KANK4: variants seen among roughly 807,000 people sequenced by gnomAD.
The protein encoded by KANK4 is KN motif and ankyrin repeat domains 4.
In KANK4, 50 loss-of-function variants were observed where a neutral mutation model predicts 80.8. That is an observed-to-expected ratio of 0.62 (90% CI 0.49 to 0.78). The LOEUF is 0.78. Among genes scored for constraint, KANK4 ranks in the 30% least tolerant of loss-of-function variants. The pLI, the probability that KANK4 is intolerant of heterozygous loss-of-function variation, is 0.00. For synonymous variants in KANK4, 465 were observed against 506.9 expected, an observed-to-expected ratio of 0.92 and a Z score of 1.11; for missense variants, 1,196 against 1,240.1, an observed-to-expected ratio of 0.96 and a Z score of 0.53.
At position 62,274,426 on chromosome 1, in the gene KANK4, C is replaced by G; in HGVS notation, c.678G>C (p.Glu226Asp). 1 of 1,614,230 alleles carries G rather than the reference C, an allele frequency of 6.2e-7. No individual in the cohort carries two copies. The highest frequency in any genetic ancestry group is 8.5e-7 in the Non-Finnish European group (1 of 1,180,032). ...SSPRASTRIP[E>D]LVQEGAEPPE... ...GAGGCTCAGCTCCCTCCTGGACCAG[C>G]TCTGGAATCCGAGTTGATGCTCGTG... The change falls in exon 3 of 10, where the codon GAG (glutamate) becomes GAC (aspartate). Residue 226 changes from glutamate to aspartate, a missense_variant. Glu to Asp is a conservative substitution (Grantham distance 45). Around this residue, in one of 3 missense-constraint regions of KANK4, gnomAD observed 1,154 missense variants for 1,179.6 expected, o/e 0.98. Transcript: ENST00000371153.
At chr1:62,305,477 T>C (rs377604362) in intron 1 of KANK4, among the ~76,000 whole-genome samples, 8 of 151,936 alleles carry the variant, frequency 5.3e-5, no homozygotes, top group African/African-American at 1.9e-4. Flanking sequence ...CCTGGCTAAT[T>C]TTTTTGTATT....
At chr1:62,303,118 C>G (rs932374039) in intron 1 of KANK4, among the ~76,000 whole-genome samples, 1 of 151,960 alleles carries the variant, frequency 6.6e-6, no homozygotes, top group African/African-American at 2.4e-5. Context: ...TGGGAACTTA[C>G]GAAGTGTAGA....
chr1:62,280,216 G>T (rs1283791422), intron 2 of KANK4, among the ~76,000 whole-genome samples: 1 of 152,210 alleles, frequency 6.6e-6, no homozygotes, highest in Non-Finnish European at 1.5e-5. Context: ...CAAAGGCCAA[G>T]ACAGGGAGGG....
chr1:62,279,184 C>A (rs1672391740), intron 2 of KANK4, among the ~76,000 whole-genome samples: 1 of 140,288 alleles, frequency 7.1e-6, no homozygotes, highest in African/African-American at 2.8e-5. Context: ...AGGTGCTTTC[C>A]TAAGCTAGCG....
intron 1 of KANK4, among the ~76,000 whole-genome samples, chr1:62,285,363 T>C (rs1477374880): frequency 6.6e-6 from 1 of 152,316 alleles, no homozygotes; most frequent in South Asian, 2.1e-4. Context: ...CCCAGGAACA[T>C]GGGTTTCCCC....
intron 1 of KANK4, among the ~76,000 whole-genome samples, chr1:62,291,701 G>A (rs550750629): frequency 3.9e-5 from 6 of 152,150 alleles, no homozygotes; most frequent in South Asian, 2.1e-4. Flanking sequence ...TCCACCTCCC[G>A]GGATCAAGTG....
chr1:62,271,685 G>T, intron 3 of KANK4, 96 bp from the exon 4 acceptor site: 1 of 907,516 alleles, frequency 1.1e-6, no homozygotes, highest in South Asian at 1.3e-5. Flanking sequence ...AGGGTTGCAG[G>T]TGTGTGGAGA....
intron 1 of KANK4, among the ~76,000 whole-genome samples, chr1:62,303,182 T>C (rs1442870391): frequency 6.6e-6 from 1 of 151,922 alleles, no homozygotes; most frequent in East Asian, 1.9e-4. Flanking sequence ...CTGACACACA[T>C]GGAGGATGCC....
In KANK4 at chr1:62,263,096, C is replaced by T; in HGVS notation, c.2535G>A (p.Glu845=). The change falls in exon 7 of 10, where the codon GAG becomes GAA. Residue 845 remains glutamate, a synonymous_variant. Transcript: ENST00000371153. The stretch of plus-strand genomic sequence containing the variant: ...ATGAATGCAACCACTTCTGACCTGT[C>T]TCCAGCAGCAGCTTCACGATGGAGA... ...SNFSIVKLLL[E]TGVCNVDHQN... is the part of the protein sequence containing the mutation. The T allele has an allele frequency of 1.2e-6, 2 of 1,611,400 alleles. No homozygotes were observed. The highest frequency in any genetic ancestry group is 2.2e-5 in the East Asian group (1 of 44,868).
intron 6 of KANK4, 116 bp downstream of exon 6, chr1:62,266,616 T>C: frequency 2.8e-6 from 2 of 713,572 alleles, no homozygotes; most frequent in South Asian, 1.7e-5. Flanking sequence ...CTCACACCAC[T>C]GCACACTCAC....
rs200484535 is a variant in KANK4 at position 62,274,024 on chromosome 1, G to A, written c.1080C>T (p.Thr360=). Residue 360 remains threonine (T), a synonymous_variant, in exon 3 of 10, where the codon ACC becomes ACT. Transcript: ENST00000371153. Reference sequence around the variant, plus strand: ...CAGTTCTGACCTGTGCCAGTTCCTCGGTTCTTCCAGACAACTCTCCCTCCA... The same window carrying A: ...CAGTTCTGACCTGTGCCAGTTCCTCAGTTCTTCCAGACAACTCTCCCTCCA... The part of the protein sequence containing the change: ...SALEGELSGR[T]EELAQVRTAL... 238 of 1,614,108 alleles carry A rather than the reference G, an allele frequency of 1.5e-4. No homozygotes were observed. The South Asian group carries it at 1.6e-3, about 11-fold the overall frequency.
At chr1:62,249,885 C>T (rs958355241) in intron 8 of KANK4, among the ~76,000 whole-genome samples, 5 of 152,052 alleles carry the variant, frequency 3.3e-5, no homozygotes, top group South Asian at 2.1e-4. Context: ...TGGGGTTTTG[C>T]GATGTTGCCC....
At chr1:62,251,339 C>A (rs1328393569) in intron 8 of KANK4, among the ~76,000 whole-genome samples, 1 of 152,160 alleles carries the variant, frequency 6.6e-6, no homozygotes, top group Non-Finnish European at 1.5e-5. Flanking sequence ...CCAGCATCCA[C>A]AAAACTGTAG....
intron 1 of KANK4, among the ~76,000 whole-genome samples, chr1:62,307,595 A>G (rs905762465): frequency 1.3e-5 from 2 of 152,060 alleles, no homozygotes; most frequent in African/African-American, 4.8e-5. Flanking sequence ...TAACACATTA[A>G]CATTCTGAGA....
At chr1:62,240,877 C>A (rs903428780) in intron 9 of KANK4, among the ~76,000 whole-genome samples, 6 of 152,122 alleles carry the variant, frequency 3.9e-5, no homozygotes, top group Non-Finnish European at 8.8e-5. Context: ...CAGCTGCAGT[C>A]TCTTATGAAT....
rs983383772 is a variant in KANK4, at chr1:62,265,229, T to C, written c.2319+1503A>G. On this transcript the variant is annotated intron_variant, in intron 6 of 9. Transcript: ENST00000371153. ...TTTTGATCAACATCCACATCACATA[T>C]TGGTTCTTTTTTTTTTTCTCTGTGT... Among the ~76,000 whole-genome samples, 3 of 151,178 alleles carry C rather than the reference T, an allele frequency of 2.0e-5. No individual in the cohort carries two copies. In the Admixed American group the frequency reaches 2.0e-4, roughly 10 times the overall value.
intron 8 of KANK4, among the ~76,000 whole-genome samples, chr1:62,249,810 TG>T (rs1290801007): frequency 6.6e-6 from 1 of 151,992 alleles, no homozygotes; most frequent in African/African-American, 2.4e-5. Flanking sequence ...CCCAAAGTGC[TG>T]GGATTACAGG....
chr1:62,296,248 C>A (rs1001831462), intron 1 of KANK4, among the ~76,000 whole-genome samples: 1 of 152,158 alleles, frequency 6.6e-6, no homozygotes, highest in African/African-American at 2.4e-5. Context: ...AGTGACTGCC[C>A]CAGCAGCAGT....
intron 7 of KANK4, among the ~76,000 whole-genome samples, chr1:62,254,880 A>ATTT (rs3066333): frequency 3.7e-4 from 24 of 65,722 alleles, no homozygotes; most frequent in South Asian, 1.2e-3. Flanking sequence ...TAAACCTGGT[A>ATTT]TTTTTTTTTT....
Sources: allele counts gnomAD v4.1 joint callset (sites outside exome capture counted in the v4.1 genomes callset), GRCh38; gene constraint gnomAD v4.1.1; regional missense constraint gnomAD v4.1.1; transcripts MANE v1.5; gene names NCBI Gene and HGNC (gene_info 2026-07-23, HGNC 2026-07-21).